Variants in RGS7 observed in about 807,000 individuals in gnomAD.
The protein encoded by RGS7 is regulator of G protein signaling 7.
In RGS7, 27 loss-of-function variants were observed where a neutral mutation model predicts 81.1. That is an observed-to-expected ratio of 0.33 (90% CI 0.25 to 0.46). The LOEUF (loss-of-function observed/expected upper bound fraction) is 0.46. Among genes scored for constraint, RGS7 ranks in the 20% least tolerant of loss-of-function variants. The pLI is 1.00. For synonymous variants in RGS7, 208 were observed against 207.7 expected (o/e 1.00, Z -0.01); for missense variants, 396 against 607.4 (o/e 0.65, Z 3.66).
intron 18 of RGS7, among the ~76,000 whole-genome samples, chr1:240,787,303 G>A (rs867168669): frequency 1.4e-4 from 22 of 152,066 alleles, no homozygotes; most frequent in African/African-American, 4.6e-4. Flanking sequence ...TTATATGTTT[G>A]CAAGGAGCTC....
chr1:241,240,768 G>C (rs1407924388), intron 2 of RGS7, among the ~76,000 whole-genome samples: 1 of 152,142 alleles, frequency 6.6e-6, no homozygotes, highest in Non-Finnish European at 1.5e-5. Flanking sequence ...ATGACATATA[G>C]TTTTAAATTA....
At chr1:241,200,846 CTT>C (rs1002261844) in intron 2 of RGS7, among the ~76,000 whole-genome samples, 1 of 152,214 alleles carries the variant, frequency 6.6e-6, no homozygotes, top group African/African-American at 2.4e-5. Context: ...TCTCACTGCA[CTT>C]TCTCATTCAA....
intron 2 of RGS7, among the ~76,000 whole-genome samples, chr1:241,151,565 C>CTTT (rs58097674): frequency 6.9e-5 from 8 of 116,478 alleles, no homozygotes; most frequent in South Asian, 2.9e-4. Flanking sequence ...ATTAGGAACT[C>CTTT]TTTTTTTTTT....
At chr1:241,326,715 G>A (rs2081517856) in intron 2 of RGS7, among the ~76,000 whole-genome samples, 1 of 150,750 alleles carries the variant, frequency 6.6e-6, no homozygotes, top group African/African-American at 2.4e-5. Flanking sequence ...AGGCAAAGGT[G>A]GGCAGGTCGC....
chr1:241,022,569 AG>A (rs2059595144), intron 3 of RGS7, among the ~76,000 whole-genome samples: 1 of 152,122 alleles, frequency 6.6e-6, no homozygotes, highest in Non-Finnish European at 1.5e-5. Context: ...GCCCCCATCC[AG>A]GAACTGACTC....
At chr1:241,277,616 C>T (rs150436681) in intron 2 of RGS7, among the ~76,000 whole-genome samples, 1 of 122,480 alleles carries the variant, frequency 8.2e-6, no homozygotes, top group Non-Finnish European at 1.9e-5. Flanking sequence ...GAGACTCCAT[C>T]TCAAAAAAAA....
intron 3 of RGS7, among the ~76,000 whole-genome samples, chr1:241,049,043 T>A (rs2148798304): frequency 6.6e-6 from 1 of 152,316 alleles, no homozygotes; most frequent in South Asian, 2.1e-4. Flanking sequence ...CCTGTTTGAA[T>A]AAGGACACCT....
In RGS7 at chr1:240,929,752, T is replaced by C. The variant is rs373782840; in HGVS notation, c.385+965A>G. ...GCCCTGCCTTCTCATCTGAAAAATC[T>C]TTCCTCTTAAGATCCAGCTCAAATG... is the stretch of plus-strand genomic sequence containing the variant. On this transcript the variant is annotated intron_variant, in intron 6 of 18. Transcript: ENST00000440928. Among the ~76,000 whole-genome samples, 11 of 152,328 alleles carry C rather than the reference T, an allele frequency of 7.2e-5. No individual in the cohort carries two copies. The East Asian group carries it at 2.1e-3, about 29-fold the overall frequency.
chr1:240,837,440 G>C (rs1694905208), intron 9 of RGS7, among the ~76,000 whole-genome samples: 1 of 152,092 alleles, frequency 6.6e-6, no homozygotes, highest in South Asian at 2.1e-4. Context: ...CTATATCCTG[G>C]GTTGGCATAT....
At chr1:240,938,954 G>A (rs1323807804) in intron 4 of RGS7, among the ~76,000 whole-genome samples, 1 of 151,914 alleles carries the variant, frequency 6.6e-6, no homozygotes, top group African/African-American at 2.4e-5. Flanking sequence ...TTAGTGCCAG[G>A]GTGTCATTGT....
intron 4 of RGS7, among the ~76,000 whole-genome samples, chr1:240,944,859 A>G (rs1029242102): frequency 1.3e-5 from 2 of 152,208 alleles, no homozygotes; most frequent in Non-Finnish European, 2.9e-5. Context: ...GACTACAGGC[A>G]TGCGCCACCA....
chr1:241,083,377 C>T lies in RGS7; in HGVS notation c.175+15289G>A, dbSNP rs113476219. On this transcript the variant is annotated intron_variant, in intron 3 of 18. Coordinates refer to ENST00000440928, the MANE Select transcript of RGS7 (RefSeq NM_001364886.1). ...TACTATTTCTAACCACTTCAAGGTG[C>T]TAATTTACAATAAGGAAAGAGTAAC... 3.7e-4 allele frequency among the ~76,000 whole-genome samples: 56 copies of T among 152,142 alleles called. 1 individual carries two copies. In the Middle Eastern group the frequency reaches 0.01, roughly 28 times the overall value.
chr1:241,032,134 T>C (rs1158307375), intron 3 of RGS7, among the ~76,000 whole-genome samples: 3 of 152,248 alleles, frequency 2.0e-5, no homozygotes, highest in Non-Finnish European at 4.4e-5. Flanking sequence ...CTTTAATCTA[T>C]CTTGAAGTGA....
chr1:241,114,481 C>A (rs1282980430), intron 2 of RGS7, among the ~76,000 whole-genome samples: 1 of 152,078 alleles, frequency 6.6e-6, no homozygotes, highest in Non-Finnish European at 1.5e-5. Flanking sequence ...TGGTGACCTT[C>A]ATTTACTTCC....
chr1:241,091,860 C>T (rs2063907817), intron 3 of RGS7, among the ~76,000 whole-genome samples: 1 of 151,964 alleles, frequency 6.6e-6, no homozygotes, highest in African/African-American at 2.4e-5. Flanking sequence ...GTGCTCCAGC[C>T]TGAATGACAG....
At chr1:241,145,877 AT>A (rs2103104882) in intron 2 of RGS7, among the ~76,000 whole-genome samples, 1 of 152,334 alleles carries the variant, frequency 6.6e-6, no homozygotes, top group African/African-American at 2.4e-5. Context: ...TTCCTTGAAT[AT>A]TTTCCTACTT....
At chr1:240,932,689 T>C (rs1399077392) in intron 5 of RGS7, among the ~76,000 whole-genome samples, 42 of 149,220 alleles carry the variant, frequency 2.8e-4, no homozygotes, top group Middle Eastern at 3.5e-3. Context: ...TTTGTATTTT[T>C]AGTAGAGACG....
intron 3 of RGS7, among the ~76,000 whole-genome samples, chr1:240,984,214 C>A: frequency 6.6e-6 from 1 of 151,934 alleles, no homozygotes. Context: ...AAGAGACATG[C>A]AATATTTTTG....
intron 2 of RGS7, among the ~76,000 whole-genome samples, chr1:241,227,216 C>A (rs1464100563): frequency 6.6e-6 from 1 of 152,140 alleles, no homozygotes; most frequent in African/African-American, 2.4e-5. Context: ...TTGTAGGGGG[C>A]TGTAGGATCC....
Sources: allele counts gnomAD v4.1 joint callset (sites outside exome capture counted in the v4.1 genomes callset), GRCh38; gene constraint gnomAD v4.1.1; transcripts MANE v1.5; gene names NCBI Gene and HGNC (gene_info 2026-07-23, HGNC 2026-07-21).